The following ZEB2 variants were observed in gnomAD, a reference collection of about 807,000 sequenced individuals.
ZEB2 encodes the protein zinc finger E-box binding homeobox 2.
A neutral mutation model predicts 99.9 loss-of-function variants in ZEB2; 6 were observed. The ratio of observed to expected loss-of-function variants is 0.06; its 90% CI spans 0.03 to 0.12. ZEB2 has a LOEUF of 0.12. ZEB2 is among the 10% of genes least tolerant of loss of function. The pLI, the probability that ZEB2 is intolerant of heterozygous loss-of-function variation, is 1.00. For missense variants in ZEB2, 969 were observed against 1,502.8 expected (o/e 0.64, Z 5.87); for synonymous variants, 517 against 542.5 (o/e 0.95, Z 0.65).
At chr2:144,419,994 A>G (rs914350701) in intron 4 of ZEB2, among the ~76,000 whole-genome samples, 5 of 151,752 alleles carry the variant, frequency 3.3e-5, no homozygotes, top group African/African-American at 1.2e-4. Flanking sequence ...TCCTAGTTTC[A>G]CTCTCTGAAG....
chr2:144,399,351 C>T lies in ZEB2; in HGVS notation c.1836G>A (p.Ala612=), dbSNP rs754916469. Residue 612 remains alanine (A), a synonymous_variant, in exon 8 of 10, where the codon GCG becomes GCA. Transcript: ENST00000627532. The surrounding 1 kb of genome is among the most constrained non-coding windows in gnomAD (Gnocchi z 5.6). ...CTATGTTTTCATGAGGCTGCAGGAC[C>T]GCCTTGATCTCTTCATTCATCTTAC... ...YLCKMNEEIK[A]VLQPHENIVP... is the part of the protein sequence containing the mutation. The T allele has an allele frequency of 1.5e-5, 25 of 1,613,952 alleles. No individual in the cohort carries two copies. Among genetic ancestry groups the T allele is most frequent in the Middle Eastern group, 3.3e-4 (2 of 6,084 alleles).
At chr2:144,405,376 A>C (rs1703372674) in intron 4 of ZEB2, 1 of 273,302 alleles carries the variant, frequency 3.7e-6, no homozygotes, top group Admixed American at 5.1e-5. Context: ...TAAAGATAAT[A>C]TAAGATTAAG....
intron 2 of ZEB2, among the ~76,000 whole-genome samples, chr2:144,453,243 G>A (rs1022660469): frequency 6.6e-6 from 1 of 152,214 alleles, no homozygotes; most frequent in Non-Finnish European, 1.5e-5. Context: ...ACCAAAGGAT[G>A]TGAGTTGCCT....
At chr2:144,392,294 T>C (rs1703163584) in intron 9 of ZEB2, among the ~76,000 whole-genome samples, 1 of 152,214 alleles carries the variant, frequency 6.6e-6, no homozygotes, top group Admixed American at 6.5e-5. Context: ...TAATTTTGAA[T>C]GAACATTATG....
chr2:144,517,212 C>G, intron 2 of ZEB2, 66 bp downstream of exon 2: 1 of 1,600,956 alleles, frequency 6.2e-7, no homozygotes, highest in African/African-American at 1.3e-5. Context: ...TCCCTTTCCC[C>G]CTCCTTCTCC....
intron 2 of ZEB2, among the ~76,000 whole-genome samples, chr2:144,473,056 G>A (rs909405227): frequency 6.6e-6 from 1 of 152,154 alleles, no homozygotes; most frequent in African/African-American, 2.4e-5. Context: ...GGTGGGAGAG[G>A]GGAAAGAAGG....
At chr2:144,481,255 G>A (rs1704507195) in intron 2 of ZEB2, among the ~76,000 whole-genome samples, 1 of 152,164 alleles carries the variant, frequency 6.6e-6, no homozygotes. Flanking sequence ...AATCCTCTAT[G>A]TGCCCTGACC....
intron 6 of ZEB2, among the ~76,000 whole-genome samples, chr2:144,401,951 G>A (rs932433834): frequency 8.5e-5 from 13 of 152,086 alleles, no homozygotes; most frequent in Non-Finnish European, 1.3e-4. Flanking sequence ...CTGAGGTGTC[G>A]CCTATCAGAT....
At chr2:144,511,517 G>A (rs901342019) in intron 2 of ZEB2, 38 of 1,282,016 alleles carry the variant, frequency 3.0e-5, no homozygotes, top group Non-Finnish European at 3.5e-5. Context: ...GGCTTCCATG[G>A]AGCCTACTGA....
intron 2 of ZEB2, among the ~76,000 whole-genome samples, chr2:144,498,410 T>C (rs1344059414): frequency 6.6e-6 from 1 of 151,694 alleles, no homozygotes; most frequent in Non-Finnish European, 1.5e-5. Context: ...CCAAGCCCCA[T>C]GTGGTTGCGG....
At chr2:144,512,590 A>C (rs1705059388) in intron 2 of ZEB2, 1 of 1,287,246 alleles carries the variant, frequency 7.8e-7, no homozygotes, top group East Asian at 5.5e-5. Flanking sequence ...GGAAGACGTG[A>C]ATTTATTTGT....
At chr2:144,512,338 A>C (rs1344383461) in intron 2 of ZEB2, 13 of 1,287,140 alleles carry the variant, frequency 1.0e-5, no homozygotes, top group African/African-American at 1.5e-5. Flanking sequence ...CAAGGAAAAG[A>C]ATCTCCCACA....
chr2:144,403,309 T>TA (rs1703337631), intron 6 of ZEB2, among the ~76,000 whole-genome samples: 1 of 152,176 alleles, frequency 6.6e-6, no homozygotes, highest in African/African-American at 2.4e-5. Flanking sequence ...TAGCTACAAA[T>TA]ATGTATATTA....
chr2:144,417,037 G>T (rs114313843), intron 4 of ZEB2, among the ~76,000 whole-genome samples: 1 of 152,098 alleles, frequency 6.6e-6, no homozygotes, highest in Non-Finnish European at 1.5e-5. Context: ...TTTCGTATTC[G>T]TCTACCACTG....
chr2:144,474,581 A>C (rs1380035161), intron 2 of ZEB2, among the ~76,000 whole-genome samples: 1 of 152,186 alleles, frequency 6.6e-6, no homozygotes, highest in Non-Finnish European at 1.5e-5. Flanking sequence ...CCAGTGTTGT[A>C]ATCATTGATT....
intron 2 of ZEB2, among the ~76,000 whole-genome samples, chr2:144,439,382 G>T (rs997011878): frequency 6.6e-6 from 1 of 152,182 alleles, no homozygotes; most frequent in East Asian, 1.9e-4. Flanking sequence ...CAGGTGAGAC[G>T]GCCTGGTGCG....
Position 144,513,709 on chromosome 2 carries a change from A to G in ZEB2, c.73+3569T>C, listed in dbSNP as rs1010516932. The G allele has an allele frequency of 3.0e-5, 46 of 1,535,900 alleles. No homozygotes were observed. Among genetic ancestry groups the G allele is most frequent in the Non-Finnish European group, 3.7e-5 (42 of 1,146,912 alleles). ...GCTGCCCGAATCAGGGGCAAAAGCAACAAACTTTGCAAGTTACAAACGGGC... is the reference window on the plus strand; with the variant it reads ...GCTGCCCGAATCAGGGGCAAAAGCAGCAAACTTTGCAAGTTACAAACGGGC... On this transcript the variant is annotated intron_variant, in intron 2 of 9. Transcript: ENST00000627532.
rs548971900 is a variant in ZEB2 at position 144,489,110 on chromosome 2, C to T, written c.73+28168G>A. On this transcript the variant is annotated intron_variant, in intron 2 of 9. Transcript: ENST00000627532. ...GTTCAGCAGATCTCTAGAATTTACA[C>T]GAGTGCTATTTAACATAAAGTTTAT... Among the ~76,000 whole-genome samples, 9 of 152,232 alleles carry T rather than the reference C, an allele frequency of 5.9e-5. No homozygotes were observed. In the South Asian group the frequency reaches 1.9e-3, roughly 32 times the overall value.
intron 2 of ZEB2, 111 bp downstream of exon 2, chr2:144,517,167 C>G: frequency 6.9e-7 from 1 of 1,453,880 alleles, no homozygotes; most frequent in East Asian, 2.3e-5. Flanking sequence ...CCCTAGAGCC[C>G]TGGGCGCCGC....
Sources: gnomAD v4.1 joint callset for allele counts (sites outside exome capture counted in the v4.1 genomes callset) on GRCh38, gnomAD v4.1.1 for gene constraint, Gnocchi (gnomAD v3.1) non-coding constraint, MANE v1.5 for transcripts, NCBI Gene and HGNC (gene_info 2026-07-23, HGNC 2026-07-21) for gene names.